The following BCR variants were observed in gnomAD, a reference collection of about 807,000 sequenced individuals.
The protein encoded by BCR is breakpoint cluster region protein.
In BCR, 58 loss-of-function variants were observed where a neutral mutation model predicts 138.6. The ratio of observed to expected loss-of-function variants is 0.42; its 90% CI spans 0.34 to 0.52. The LOEUF is 0.52. Ranked by LOEUF, BCR falls within the 20% of genes least tolerant of loss-of-function variation. The pLI is 0.06. For missense variants in BCR, 1,599 were observed against 1,727.2 expected, an observed-to-expected ratio of 0.93 and a Z score of 1.32; for synonymous variants, 786 against 730.1, an observed-to-expected ratio of 1.08 and a Z score of -1.23.
intron 4 of BCR, chr22:23,263,168 G>A: frequency 1.3e-6 from 1 of 785,716 alleles, no homozygotes; most frequent in Non-Finnish European, 2.0e-6. Flanking sequence ...AGGAGGAGGA[G>A]GCGGCTCGGG....
intron 1 of BCR, among the ~76,000 whole-genome samples, chr22:23,215,228 C>T (rs994226111): frequency 3.9e-5 from 6 of 152,210 alleles, no homozygotes; most frequent in Non-Finnish European, 4.4e-5. Context: ...GCTTATGCAT[C>T]CATTGGTGGA....
chr22:23,250,284 A>G (rs2073209773), intron 1 of BCR, among the ~76,000 whole-genome samples: 1 of 152,242 alleles, frequency 6.6e-6, no homozygotes, highest in Non-Finnish European at 1.5e-5. Flanking sequence ...AAGGTGCTCC[A>G]CCCAGTGATG....
At chr22:23,272,431 C>T (rs1427915302) in intron 6 of BCR, among the ~76,000 whole-genome samples, 2 of 152,124 alleles carry the variant, frequency 1.3e-5, no homozygotes, top group Admixed American at 1.3e-4. Flanking sequence ...TGTCTCAGAA[C>T]ACACCTGAGC....
Position 23,180,585 on chromosome 22 carries a change from C to A in BCR, c.-376C>A, listed in dbSNP as rs1057501009. On this transcript the variant is annotated 5_prime_UTR_variant, in exon 1 of 23. Coordinates refer to ENST00000305877, the MANE Select transcript of BCR (RefSeq NM_004327.4). The stretch of plus-strand genomic sequence containing the variant: ...GCGTCCGAGGAGGCGGCGGCGGCGG[C>A]GGCGGCACGGCGGCGGCGGGGCTGT... The A allele has an allele frequency of 1.2e-3, 42 of 35,626 alleles. No homozygotes were observed. In the African/African-American group the frequency reaches 0.045, roughly 38 times the overall value. The allele number at this position is 35,626 out of a possible 1,614,324, so 2.2% of individuals were successfully genotyped here.
chr22:23,204,262 C>T (rs1298217556), intron 1 of BCR, among the ~76,000 whole-genome samples: 2 of 152,270 alleles, frequency 1.3e-5, no homozygotes, highest in East Asian at 1.9e-4. Context: ...TCTTGCTCTG[C>T]GTTGCCCATC....
intron 1 of BCR, among the ~76,000 whole-genome samples, chr22:23,203,295 C>T (rs1467444304): frequency 6.6e-6 from 1 of 152,154 alleles, no homozygotes; most frequent in African/African-American, 2.4e-5. Context: ...GAAATCCTGC[C>T]CCAGTTTACC....
At chr22:23,202,621 C>T (rs2072565863) in intron 1 of BCR, among the ~76,000 whole-genome samples, 1 of 151,970 alleles carries the variant, frequency 6.6e-6, no homozygotes, top group Admixed American at 6.6e-5. Flanking sequence ...CAGTATTTGT[C>T]TTTTTGTGAC....
Position 23,182,107 on chromosome 22 carries a change from C to G in BCR, c.1147C>G (p.Pro383Ala), listed in dbSNP as rs759918664. 3 of 1,612,398 alleles carry G rather than the reference C, an allele frequency of 1.9e-6. No homozygotes were observed. The highest frequency in any genetic ancestry group is 2.5e-6 in the Non-Finnish European group (3 of 1,180,004). The change falls in exon 1 of 23, where the codon CCC becomes GCC. Residue 383 changes from proline (P) to alanine (A), a missense_variant. Pro to Ala is a conservative substitution (Grantham distance 27). Around this residue, in one of 4 missense-constraint regions of BCR, gnomAD observed 806 missense variants for 635.0 expected, o/e 1.27. Coordinates refer to ENST00000305877, the MANE Select transcript of BCR (RefSeq NM_004327.4). ...GCAACAGTCCTTCGACAGCAGCAGTCCCCCCACGCCGCAGTGCCATAAGCG... is the reference window on the plus strand; with the variant it reads ...GCAACAGTCCTTCGACAGCAGCAGTGCCCCCACGCCGCAGTGCCATAAGCG... ...NSQQSFDSSS[P>A]PTPQCHKRHR...
Position 23,292,528 on chromosome 22 carries a change from C to A in BCR, c.2783-13C>A. 1.2e-6 allele frequency: 2 copies of A among 1,604,028 alleles called. No homozygotes were observed. Among genetic ancestry groups the A allele is most frequent in the Non-Finnish European group, 1.7e-6 (2 of 1,171,478 alleles). ...AGACCTGTGACCTTCTCCATGTCCACTTCTCCCCACAGATCTGTACTGCAC... is the reference window on the plus strand; with the variant it reads ...AGACCTGTGACCTTCTCCATGTCCAATTCTCCCCACAGATCTGTACTGCAC... On this transcript the variant is annotated splice_polypyrimidine_tract_variant and intron_variant, in intron 14 of 22. Coordinates refer to ENST00000305877, the MANE Select transcript of BCR (RefSeq NM_004327.4).
intron 8 of BCR, among the ~76,000 whole-genome samples, chr22:23,280,152 G>A (rs1312207681): frequency 2.6e-5 from 4 of 152,340 alleles, no homozygotes; most frequent in South Asian, 4.1e-4. Context: ...ATTCTGAGGG[G>A]GACAGAAACT....
intron 18 of BCR, among the ~76,000 whole-genome samples, 180 bp downstream of exon 18, chr22:23,310,613 A>G (rs1488381044): frequency 2.0e-5 from 3 of 152,126 alleles, no homozygotes; most frequent in Non-Finnish European, 4.4e-5. Flanking sequence ...CAGCTCAGGA[A>G]TGTCCTTGCC....
intron 1 of BCR, among the ~76,000 whole-genome samples, chr22:23,213,004 TG>T (rs1310538137): frequency 6.6e-6 from 1 of 152,212 alleles, no homozygotes; most frequent in Non-Finnish European, 1.5e-5. Context: ...GGCAATCAGA[TG>T]GGCATTCTCT....
chr22:23,254,060 G>A lies in BCR; in HGVS notation c.1461+80G>A, dbSNP rs137940685. 2.6e-4 allele frequency: 383 copies of A among 1,451,292 alleles called. 2 individuals are homozygous for A. The East Asian group carries it at 8.8e-3, about 33-fold the overall frequency. 89.9% of individuals were successfully genotyped at this position (1,451,292 alleles called of 1,614,324 possible). A position where few individuals can be genotyped will look rare whatever the true frequency, so the allele number is the denominator to read the frequency against. On this transcript the variant is annotated intron_variant, in intron 2 of 22. Transcript: ENST00000305877. Reference sequence around the variant, plus strand: ...GCAGCCCCATGCTCAGGGGTATGTAGCAGGTAGGTGGTGGAGCAGCCAATG... The same window carrying A: ...GCAGCCCCATGCTCAGGGGTATGTAACAGGTAGGTGGTGGAGCAGCCAATG...
intron 8 of BCR, among the ~76,000 whole-genome samples, chr22:23,279,410 C>G (rs2073616636): frequency 6.6e-6 from 1 of 152,224 alleles, no homozygotes. Flanking sequence ...GGTGACCCTC[C>G]TTGCTCCTGG....
chr22:23,195,438 AAAT>A (rs1284874810), intron 1 of BCR, among the ~76,000 whole-genome samples: 1 of 150,986 alleles, frequency 6.6e-6, no homozygotes. Flanking sequence ...AAAAAAAAAA[AAAT>A]ATCAGCTGGG....
chr22:23,261,249 A>C (rs1451192045), intron 3 of BCR, 106 bp from the exon 4 acceptor site: 2 of 1,351,520 alleles, frequency 1.5e-6, no homozygotes, highest in African/African-American at 2.9e-5. Flanking sequence ...TGATTTAAAA[A>C]TAAAAGTGCA....
At chr22:23,287,718 G>T (rs965299550) in intron 11 of BCR, among the ~76,000 whole-genome samples, 4 of 152,194 alleles carry the variant, frequency 2.6e-5, no homozygotes, top group Admixed American at 1.3e-4. Flanking sequence ...AGAGGCAGCT[G>T]GTGGGCTCTG....
intron 1 of BCR, among the ~76,000 whole-genome samples, chr22:23,214,713 A>G (rs114573120): frequency 1.9e-3 from 293 of 152,366 alleles, no homozygotes; most frequent in African/African-American, 6.7e-3. Flanking sequence ...CAGAGCAGAG[A>G]AACAGAGTCG....
At chr22:23,235,920 G>C (rs1236750281) in intron 1 of BCR, among the ~76,000 whole-genome samples, 1 of 152,178 alleles carries the variant, frequency 6.6e-6, no homozygotes, top group Non-Finnish European at 1.5e-5. Flanking sequence ...CACCCCCAAA[G>C]GCCCCACCTC....
Sources: allele counts gnomAD v4.1 joint callset (sites outside exome capture counted in the v4.1 genomes callset), GRCh38; gene constraint gnomAD v4.1.1; regional missense constraint gnomAD v4.1.1; transcripts MANE v1.5; gene names NCBI Gene and HGNC (gene_info 2026-07-23, HGNC 2026-07-21).